The following GABRA2 variants were observed in gnomAD, a reference collection of about 807,000 sequenced individuals.
GABRA2 encodes gamma-aminobutyric acid receptor subunit alpha-2.
In GABRA2, 16 loss-of-function variants were observed where a neutral mutation model predicts 48.7. The ratio of observed to expected loss-of-function variants is 0.33; its 90% CI spans 0.22 to 0.50. The LOEUF (loss-of-function observed/expected upper bound fraction) is 0.50, where lower values mean the gene tolerates loss of function less well. GABRA2 is among the 20% of genes least tolerant of loss of function. The pLI, the probability that GABRA2 is intolerant of heterozygous loss-of-function variation, is 0.98. For missense variants in GABRA2, 275 were observed against 535.6 expected (o/e 0.51, Z 4.80); for synonymous variants, 185 against 184.5 (o/e 1.00, Z -0.02).
At chr4:46,348,761 T>G (rs555336204) in intron 3 of GABRA2, among the ~76,000 whole-genome samples, 3 of 112,498 alleles carry the variant, frequency 2.7e-5, no homozygotes, top group African/African-American at 1.1e-4. Flanking sequence ...AACATCACAC[T>G]CCGGGGACTG....
intron 3 of GABRA2, among the ~76,000 whole-genome samples, chr4:46,358,654 T>TA (rs1360226883): frequency 6.6e-6 from 1 of 152,150 alleles, no homozygotes; most frequent in Non-Finnish European, 1.5e-5. Flanking sequence ...TTAGTTCTTG[T>TA]ATAGAAATGG....
chr4:46,244,248 C>A lies in GABRA2; in HGVS notation c.*6060G>T, dbSNP rs182222902. ...CAATCAATTGCTTCAACGACTATGT[C>A]GAATATGTTAAAAATAAATTCTGAA... On this transcript the variant is annotated 3_prime_UTR_variant, in exon 10 of 10. Coordinates refer to ENST00000381620, the MANE Select transcript of GABRA2 (RefSeq NM_000807.4). 2.0e-5 allele frequency: 3 copies of A among 151,652 alleles called. No homozygotes were observed. The highest frequency in any genetic ancestry group is 4.4e-5 in the Non-Finnish European group (3 of 67,690). 9.4% of individuals were successfully genotyped at this position (151,652 alleles called of 1,614,324 possible).
chr4:46,263,500 T>C (rs956262218), intron 8 of GABRA2, among the ~76,000 whole-genome samples: 1 of 152,106 alleles, frequency 6.6e-6, no homozygotes, highest in African/African-American at 2.4e-5. Flanking sequence ...TGTTTCCCCA[T>C]TAAATTATCT....
chr4:46,374,660 C>A (rs1715414634), intron 3 of GABRA2, among the ~76,000 whole-genome samples: 1 of 152,048 alleles, frequency 6.6e-6, no homozygotes, highest in Non-Finnish European at 1.5e-5. Flanking sequence ...ACTTTGCTAA[C>A]CATCTCCACC....
intron 3 of GABRA2, among the ~76,000 whole-genome samples, chr4:46,359,168 A>C (rs1712718339): frequency 6.6e-6 from 1 of 152,208 alleles, no homozygotes. Flanking sequence ...AATTGCCCAA[A>C]TATGTTGTAA....
At chr4:46,319,288 G>C (rs1729052341) in intron 4 of GABRA2, among the ~76,000 whole-genome samples, 1 of 150,562 alleles carries the variant, frequency 6.6e-6, no homozygotes, top group African/African-American at 2.5e-5. Context: ...CTAAATTGTA[G>C]GACTGTTCCT....
chr4:46,327,105 T>C (rs1730521859), intron 4 of GABRA2, among the ~76,000 whole-genome samples: 1 of 151,944 alleles, frequency 6.6e-6, no homozygotes. Context: ...TAACTAGTCT[T>C]CCTTTTCCCT....
At chr4:46,309,500 C>T (rs1249321711) in intron 6 of GABRA2, among the ~76,000 whole-genome samples, 1 of 151,944 alleles carries the variant, frequency 6.6e-6, no homozygotes, top group Non-Finnish European at 1.5e-5. Context: ...GCTGAACCTA[C>T]CCAGAATGTC....
intron 4 of GABRA2, among the ~76,000 whole-genome samples, chr4:46,326,498 C>CT (rs397938834): frequency 0.047 from 6,430 of 136,960 alleles, 423 homozygotes; most frequent in African/African-American, 0.15. Context: ...TGGTCTCTGC[C>CT]TTTTTTTTTT....
In GABRA2 at chr4:46,279,451, T is replaced by G. The variant is rs559145943; in HGVS notation, c.857-17323A>C. 1.2e-4 allele frequency among the ~76,000 whole-genome samples: 18 copies of G among 152,268 alleles called. No individual in the cohort carries two copies. The East Asian group carries it at 3.3e-3, about 28-fold the overall frequency. Reference sequence around the variant, plus strand: ...TATATAAAATTTTTAAGCACTGTAGTTTTATATGACAAAATCTGGCAATGG... The same window carrying G: ...TATATAAAATTTTTAAGCACTGTAGGTTTATATGACAAAATCTGGCAATGG... On this transcript the variant is annotated intron_variant, in intron 8 of 9. Transcript: ENST00000381620.
At chr4:46,355,148 C>A (rs540673601) in intron 3 of GABRA2, among the ~76,000 whole-genome samples, 29 of 152,086 alleles carry the variant, frequency 1.9e-4, no homozygotes, top group Non-Finnish European at 3.4e-4. Context: ...CATATCAGTG[C>A]TAAAAATTTA....
At chr4:46,272,931 A>G (rs1158493017) in intron 8 of GABRA2, among the ~76,000 whole-genome samples, 1 of 151,938 alleles carries the variant, frequency 6.6e-6, no homozygotes, top group African/African-American at 2.4e-5. Flanking sequence ...GTTCTGGGGT[A>G]CGTGTGCAGA....
At chr4:46,305,823 G>T in intron 6 of GABRA2, 112 bp from the exon 7 acceptor site, 2 of 729,706 alleles carry the variant, frequency 2.7e-6, no homozygotes, top group Non-Finnish European at 4.3e-6. Context: ...AATATTAATA[G>T]TTAAACATCA....
intron 3 of GABRA2, among the ~76,000 whole-genome samples, chr4:46,337,100 GT>G (rs1014432389): frequency 6.6e-6 from 1 of 151,980 alleles, no homozygotes; most frequent in African/African-American, 2.4e-5. Context: ...TAAAAAGTGA[GT>G]AAAGAAAAAC....
intron 5 of GABRA2, among the ~76,000 whole-genome samples, chr4:46,311,319 T>C (rs1226712571): frequency 6.6e-6 from 1 of 152,194 alleles, no homozygotes; most frequent in Non-Finnish European, 1.5e-5. Flanking sequence ...CATAGGACTG[T>C]ATTGTTGTCC....
At chr4:46,370,278 A>C (rs1714682864) in intron 3 of GABRA2, among the ~76,000 whole-genome samples, 1 of 152,110 alleles carries the variant, frequency 6.6e-6, no homozygotes. Flanking sequence ...TATTCTGGGA[A>C]AATTAAAAGG....
At chr4:46,361,296 T>G (rs550810752) in intron 3 of GABRA2, among the ~76,000 whole-genome samples, 1 of 152,126 alleles carries the variant, frequency 6.6e-6, no homozygotes, top group Admixed American at 6.5e-5. Flanking sequence ...GTGTGCAGTA[T>G]AGGGACTTGG....
intron 3 of GABRA2, among the ~76,000 whole-genome samples, chr4:46,372,176 G>A (rs1714997821): frequency 6.6e-6 from 1 of 152,142 alleles, no homozygotes; most frequent in Non-Finnish European, 1.5e-5. Context: ...ATTGCCAGTA[G>A]CTTACTGATT....
At position 46,272,024 on chromosome 4, in the gene GABRA2, A is replaced by C. The variant is rs147968388; in HGVS notation, c.857-9896T>G. On this transcript the variant is annotated intron_variant, in intron 8 of 9. Coordinates refer to ENST00000381620, the MANE Select transcript of GABRA2 (RefSeq NM_000807.4). ...ATAAATTATTATTAAGTGCCTACTAAATGTCAGGTACTTTTGTAATAACTG... is the reference window on the plus strand; with the variant it reads ...ATAAATTATTATTAAGTGCCTACTACATGTCAGGTACTTTTGTAATAACTG... Among the ~76,000 whole-genome samples, 434 of 151,766 alleles carry C rather than the reference A, an allele frequency of 2.9e-3. 8 individuals carry two copies. Among genetic ancestry groups the C allele is most frequent in the Non-Finnish European group, 7.4e-4 (50 of 67,836 alleles).
Sources: allele counts gnomAD v4.1 joint callset (sites outside exome capture counted in the v4.1 genomes callset), GRCh38; gene constraint gnomAD v4.1.1; transcripts MANE v1.5; gene names NCBI Gene and HGNC (gene_info 2026-07-23, HGNC 2026-07-21).